The following RMDN2 variants were observed in gnomAD, a reference collection of about 807,000 sequenced individuals.
RMDN2 encodes regulator of microtubule dynamics protein 2.
Under a neutral mutation model 52.8 loss-of-function variants are expected in RMDN2, and 61 were observed. The ratio of observed to expected loss-of-function variants is 1.16; its 90% CI spans 0.94 to 1.43. The LOEUF is 1.43. Ranked by LOEUF, RMDN2 falls within the 40% of genes most tolerant of loss-of-function variation. The pLI is 0.00. For missense variants in RMDN2, 592 were observed against 475.3 expected (o/e 1.25, Z -2.28); for synonymous variants, 180 against 153.1 (o/e 1.18, Z -1.30).
At chr2:38,018,828 A>G (rs1573130894), downstream of RMDN2, among the ~76,000 whole-genome samples, 1 of 152,354 alleles carries the variant, frequency 6.6e-6, no homozygotes, top group South Asian at 2.1e-4. Flanking sequence ...CTTGGAAGTC[A>G]GAGTAAAAAT....
At chr2:37,933,135 G>A (rs1329302935) in intron 2 of RMDN2, among the ~76,000 whole-genome samples, 2 of 152,024 alleles carry the variant, frequency 1.3e-5, no homozygotes, top group South Asian at 2.1e-4. Context: ...TCCCGGACGG[G>A]GCAGCAGGGC....
chr2:37,972,746 A>G lies in RMDN2; in HGVS notation c.453-1294A>G, dbSNP rs140227022. 1.2e-4 allele frequency among the ~76,000 whole-genome samples: 18 copies of G among 152,336 alleles called. No homozygotes were observed. In the East Asian group the frequency reaches 1.9e-3, roughly 16 times the overall value. ...TGGGGAGAGGTGGGGAGAAGTGGCT[A>G]GATTCTGGATGTATTTTGACGATAG... On this transcript the variant is annotated intron_variant, in intron 2 of 10. Coordinates refer to ENST00000354545, the MANE Select transcript of RMDN2 (RefSeq NM_001170791.3).
intron 10 of RMDN2, chr2:38,030,324 T>G (rs1280890732): frequency 6.6e-6 from 1 of 152,246 alleles, no homozygotes. Flanking sequence ...CTGACCCAGT[T>G]GCTTGCTTTT....
chr2:38,037,539 G>C (rs1680665789), intron 10 of RMDN2, among the ~76,000 whole-genome samples: 1 of 152,238 alleles, frequency 6.6e-6, no homozygotes, highest in Non-Finnish European at 1.5e-5. Context: ...CCAGGAGAGA[G>C]AAACTGTCGT....
intron 2 of RMDN2, among the ~76,000 whole-genome samples, chr2:37,942,538 A>G (rs112249596): frequency 7.7e-4 from 117 of 152,318 alleles, no homozygotes; most frequent in African/African-American, 2.8e-3. Context: ...TTACCATCCT[A>G]TGAGCAGTAT....
At chr2:38,007,845 T>G (rs1361714029) in intron 10 of RMDN2, among the ~76,000 whole-genome samples, 1 of 152,222 alleles carries the variant, frequency 6.6e-6, no homozygotes, top group Non-Finnish European at 1.5e-5. Flanking sequence ...GGGCATTTAG[T>G]GCTATAAATT....
At chr2:37,934,866 T>G (rs551712007) in intron 2 of RMDN2, among the ~76,000 whole-genome samples, 3 of 152,368 alleles carry the variant, frequency 2.0e-5, no homozygotes, top group African/African-American at 4.8e-5. Context: ...TCTATCACTC[T>G]ATGGGTCTAA....
chr2:37,998,021 T>A (rs1159162449), intron 8 of RMDN2: 5 of 164,098 alleles, frequency 3.0e-5, no homozygotes, highest in African/African-American at 1.2e-4. Flanking sequence ...GTATTCTCAA[T>A]CCTGTCTTAA....
intron 10 of RMDN2, among the ~76,000 whole-genome samples, chr2:38,059,789 C>G (rs1333530906): frequency 6.6e-6 from 1 of 152,172 alleles, no homozygotes; most frequent in Non-Finnish European, 1.5e-5. Context: ...ACCTAAACTC[C>G]CCTACACTCT....
At chr2:38,003,108 G>C (rs1043419906) in intron 8 of RMDN2, 3 of 152,220 alleles carry the variant, frequency 2.0e-5, no homozygotes, top group African/African-American at 7.2e-5. Context: ...ATGTTTCAAG[G>C]ATCTGTCTTT....
intron 2 of RMDN2, among the ~76,000 whole-genome samples, chr2:37,930,069 A>G (rs999305545): frequency 2.0e-5 from 3 of 152,230 alleles, no homozygotes; most frequent in African/African-American, 7.2e-5. Flanking sequence ...ACTCCTGTTC[A>G]AAAGAACTTT....
chr2:37,993,760 G>A (rs1675132759), intron 7 of RMDN2, among the ~76,000 whole-genome samples: 4 of 151,014 alleles, frequency 2.6e-5, no homozygotes, highest in African/African-American at 7.3e-5. Flanking sequence ...TACAATGCCT[G>A]GTGGGGGGTG....
intron 10 of RMDN2, among the ~76,000 whole-genome samples, chr2:38,032,563 G>A (rs1680284439): frequency 6.6e-6 from 1 of 152,194 alleles, no homozygotes; most frequent in Non-Finnish European, 1.5e-5. Flanking sequence ...TTACAGGCTG[G>A]GCACAGTGGC....
chr2:38,003,146 T>C lies in RMDN2; in HGVS notation c.1045-845T>C, dbSNP rs1053466876. 2.0e-5 allele frequency: 3 copies of C among 152,250 alleles called. No individual in the cohort carries two copies. In the East Asian group the frequency reaches 5.8e-4, roughly 29 times the overall value. 9.4% of individuals were successfully genotyped at this position (152,250 alleles called of 1,614,324 possible). A position where few individuals can be genotyped will look rare whatever the true frequency, so the allele number is the denominator to read the frequency against. On this transcript the variant is annotated intron_variant, in intron 8 of 10. Coordinates refer to ENST00000354545, the MANE Select transcript of RMDN2 (RefSeq NM_001170791.3). ...TTTAAAAGTCCATGATTTGATGGAC[T>C]TCAGATATTATTTAACTCCTGTGGA...
Position 37,929,533 on chromosome 2 carries a change from A to G in RMDN2, c.256A>G (p.Met86Val). ...GAAGTTAAACGAATTACTGACAAATATGGAAGAACTCAAAGAGGAAATCAG... is the reference window on the plus strand; with the variant it reads ...GAAGTTAAACGAATTACTGACAAATGTGGAAGAACTCAAAGAGGAAATCAG... ...LEKLNELLTN[M>V]EELKEEIRFL... The change falls in exon 2 of 11, where the codon ATG becomes GTG. Residue 86 changes from methionine to valine, a missense_variant. Coordinates refer to ENST00000354545, the MANE Select transcript of RMDN2 (RefSeq NM_001170791.3). 1 of 1,551,840 alleles carries G rather than the reference A, an allele frequency of 6.4e-7. No individual in the cohort carries two copies. The highest frequency in any genetic ancestry group is 8.7e-7 in the Non-Finnish European group (1 of 1,146,966).
At chr2:37,958,110 A>G (rs1416277927) in intron 2 of RMDN2, among the ~76,000 whole-genome samples, 1 of 151,998 alleles carries the variant, frequency 6.6e-6, no homozygotes, top group Non-Finnish European at 1.5e-5. Context: ...TTTGTTTAGG[A>G]TTGTCTTGAC....
intron 2 of RMDN2, among the ~76,000 whole-genome samples, chr2:37,956,162 C>T (rs1669429676): frequency 1.3e-5 from 2 of 152,252 alleles, no homozygotes; most frequent in Non-Finnish European, 2.9e-5. Flanking sequence ...AGTTATGTGA[C>T]ATCACTGTCA....
At chr2:38,002,397 A>G (rs1676439077) in intron 8 of RMDN2, among the ~76,000 whole-genome samples, 1 of 152,200 alleles carries the variant, frequency 6.6e-6, no homozygotes, top group Admixed American at 6.5e-5. Flanking sequence ...ATTATGATTC[A>G]TGCAGAATAT....
chr2:37,997,311 C>CACACACACGTATATACACATA, intron 7 of RMDN2, 105 bp from the exon 8 acceptor site: 7 of 737,932 alleles, frequency 9.5e-6, no homozygotes, highest in Non-Finnish European at 1.7e-5. Flanking sequence ...TATCTATACA[C>CACACACACGTATATACACATA]ACACACACGT....
Sources: allele counts gnomAD v4.1 joint callset (sites outside exome capture counted in the v4.1 genomes callset), GRCh38; gene constraint gnomAD v4.1.1; transcripts MANE v1.5; gene names NCBI Gene and HGNC (gene_info 2026-07-23, HGNC 2026-07-21).